The following KNL1 variants were observed in gnomAD, a reference collection of about 807,000 sequenced individuals.
KNL1 encodes outer kinetochore KNL1 complex subunit KNL1.
KNL1 carries 66 observed loss-of-function variants against 201.3 expected under a neutral mutation model. The ratio of observed to expected loss-of-function variants is 0.33; its 90% CI spans 0.27 to 0.40. The LOEUF is 0.40. Ranked by LOEUF, KNL1 falls within the 10% of genes least tolerant of loss-of-function variation. The pLI, the probability that KNL1 is intolerant of heterozygous loss-of-function variation, is 1.00. For missense variants in KNL1, 2,815 were observed against 2,690.5 expected, an observed-to-expected ratio of 1.05 and a Z score of -1.02; for synonymous variants, 895 against 899.2, an observed-to-expected ratio of 1.00 and a Z score of 0.08.
At chr15:40,610,130 A>C (rs1000922434) in intron 5 of KNL1, 115 bp from the exon 6 acceptor site, 44 of 611,184 alleles carry the variant, frequency 7.2e-5, no homozygotes, top group Non-Finnish European at 1.1e-4. Flanking sequence ...CATAGCAAAG[A>C]GGAAGCTAAA....
In KNL1 at chr15:40,656,444, T is replaced by C. The variant is rs557009927; in HGVS notation, c.6485-598T>C. On this transcript the variant is annotated intron_variant, in intron 22 of 25. Transcript: ENST00000399668. ...TGACACTCCGTCTCAAAAAAAGAAA[T>C]GAAATCCAGGATTTAAACTCAGGTC... is the stretch of plus-strand genomic sequence containing the variant. Among the ~76,000 whole-genome samples the C allele has an allele frequency of 7.2e-4, 110 of 151,832 alleles. 1 individual carries two copies. Among genetic ancestry groups the C allele is most frequent in the African/African-American group, 2.6e-3 (109 of 41,422 alleles).
intron 8 of KNL1, 116 bp from the exon 9 acceptor site, chr15:40,618,843 G>T: frequency 3.2e-6 from 2 of 620,882 alleles, no homozygotes; most frequent in Non-Finnish European, 5.9e-6. Context: ...AGTTCTTAAG[G>T]GCTTAGTTAC....
chr15:40,629,490 CTTTTCTTTTTTTT>C (rs766361470), intron 13 of KNL1, 119 bp downstream of exon 13: 7 of 232,788 alleles, frequency 3.0e-5, no homozygotes, highest in African/African-American at 4.7e-5. Context: ...TTTTTTTTGC[CTTTTCTTTTTTTT>C]TTTTTTTTTT....
At chr15:40,650,249 C>G in intron 17 of KNL1, 52 bp from the exon 18 acceptor site, 2 of 1,115,862 alleles carry the variant, frequency 1.8e-6, no homozygotes, top group Non-Finnish European at 2.6e-6. Context: ...ACTTTGTTTT[C>G]TTTTTTTACT....
intron 2 of KNL1, 97 bp downstream of exon 2, chr15:40,603,063 C>T: frequency 2.6e-6 from 2 of 760,922 alleles, no homozygotes; most frequent in Non-Finnish European, 4.3e-6. Flanking sequence ...AGATCTTTTT[C>T]CATTGTGTTC....
At chr15:40,599,938 G>T (rs1891738505) in intron 1 of KNL1, among the ~76,000 whole-genome samples, 1 of 151,822 alleles carries the variant, frequency 6.6e-6, no homozygotes, top group Admixed American at 6.6e-5. Flanking sequence ...AGCCTCCCAA[G>T]TAGCTGGGAC....
At chr15:40,617,882 C>T (rs1228269510) in intron 8 of KNL1, among the ~76,000 whole-genome samples, 4 of 141,640 alleles carry the variant, frequency 2.8e-5, no homozygotes, top group East Asian at 2.1e-4. Context: ...GAGGTGTGTT[C>T]GTTTGTTTGT....
chr15:40,604,371 G>A (rs1891906999), intron 2 of KNL1, among the ~76,000 whole-genome samples: 1 of 152,068 alleles, frequency 6.6e-6, no homozygotes, highest in African/African-American at 2.4e-5. Flanking sequence ...CTTATACATA[G>A]TATTTTTTGA....
chr15:40,658,944 A>G (rs1450420534), intron 24 of KNL1, among the ~76,000 whole-genome samples: 1 of 146,262 alleles, frequency 6.8e-6, no homozygotes, highest in Non-Finnish European at 1.5e-5. Context: ...AAAAAAAAAG[A>G]AAAAGAAAAG....
Position 40,659,329 on chromosome 15 carries a change from T to A in KNL1, c.6714-10T>A. ...GTTGCATTTTTAATTGTGGATCTTG[T>A]CTTTTACAGATTGAGACTTTTATTC... On this transcript the variant is annotated splice_polypyrimidine_tract_variant and intron_variant, in intron 24 of 25. Transcript: ENST00000399668. The A allele has an allele frequency of 6.2e-7, 1 of 1,606,026 alleles. No homozygotes were observed. Among genetic ancestry groups the A allele is most frequent in the Non-Finnish European group, 8.5e-7 (1 of 1,176,222 alleles).
chr15:40,642,378 G>T (rs944392306), intron 14 of KNL1, among the ~76,000 whole-genome samples: 1 of 151,524 alleles, frequency 6.6e-6, no homozygotes, highest in Non-Finnish European at 1.5e-5. Context: ...CAGCAGCTTG[G>T]GCCAAAGAGC....
chr15:40,657,866 G>A (rs1713277834), intron 24 of KNL1, among the ~76,000 whole-genome samples: 1 of 152,070 alleles, frequency 6.6e-6, no homozygotes, highest in African/African-American at 2.4e-5. Context: ...AGGTATTGGG[G>A]GTTTGGAATT....
At chr15:40,610,186 C>T (rs1892106859) in intron 5 of KNL1, 59 bp from the exon 6 acceptor site, 6 of 931,880 alleles carry the variant, frequency 6.4e-6, no homozygotes, top group Non-Finnish European at 8.7e-6. Flanking sequence ...TATAAATCAA[C>T]ACCAAAAGAT....
At chr15:40,647,664 C>G (rs970567667) in intron 17 of KNL1, among the ~76,000 whole-genome samples, 2 of 152,206 alleles carry the variant, frequency 1.3e-5, no homozygotes, top group East Asian at 1.9e-4. Context: ...ATAATCCCAA[C>G]TTTTTAGAGT....
intron 8 of KNL1, among the ~76,000 whole-genome samples, chr15:40,617,123 A>G (rs900687184): frequency 6.6e-6 from 1 of 152,042 alleles, no homozygotes; most frequent in Admixed American, 6.6e-5. Context: ...TGATTTTTGT[A>G]TTTTTAGTAG....
chr15:40,621,168 A>G lies in KNL1; in HGVS notation c.904A>G (p.Asn302Asp). Reference protein sequence around the residue: ...QTLIPTSSETNSRESKGNDIT... With the variant: ...QTLIPTSSETDSRESKGNDIT... ...ATTGATTCCCACATCCAGTGAGACCAACTCACGGGAATCTAAAGGTAATGA... is the reference window on the plus strand; with the variant it reads ...ATTGATTCCCACATCCAGTGAGACCGACTCACGGGAATCTAAAGGTAATGA... The change falls in exon 10 of 26, where the codon AAC (asparagine) becomes GAC (aspartate). Residue 302 changes from asparagine (N) to aspartate (D), a missense_variant. This residue lies in a region of KNL1 where 2,464 missense variants were observed against 2,291.7 expected (regional missense o/e 1.08). Coordinates refer to ENST00000399668, the MANE Select transcript of KNL1 (RefSeq NM_144508.5). 6.2e-7 allele frequency: 1 copy of G among 1,613,240 alleles called. No individual in the cohort carries two copies. Among genetic ancestry groups the G allele is most frequent in the Non-Finnish European group, 8.5e-7 (1 of 1,179,528 alleles).
intron 21 of KNL1, among the ~76,000 whole-genome samples, chr15:40,653,239 A>G (rs942484667): frequency 6.6e-6 from 1 of 152,118 alleles, no homozygotes; most frequent in African/African-American, 2.4e-5. Context: ...CCCAGGCTGA[A>G]GTGCAGTAGT....
intron 10 of KNL1, among the ~76,000 whole-genome samples, chr15:40,627,809 T>TA (rs1892797104): frequency 6.6e-6 from 1 of 152,148 alleles, no homozygotes; most frequent in South Asian, 2.1e-4. Context: ...TTTGATAGCT[T>TA]ACAGGATCTG....
intron 2 of KNL1, among the ~76,000 whole-genome samples, chr15:40,603,261 G>A (rs531230482): frequency 2.6e-4 from 40 of 152,148 alleles, no homozygotes; most frequent in African/African-American, 6.3e-4. Context: ...GGCAGGCCCC[G>A]GTGAGTGATG....
Sources: allele counts gnomAD v4.1 joint callset (sites outside exome capture counted in the v4.1 genomes callset), GRCh38; gene constraint gnomAD v4.1.1; regional missense constraint gnomAD v4.1.1; transcripts MANE v1.5; gene names NCBI Gene and HGNC (gene_info 2026-07-23, HGNC 2026-07-21).